Variants in MGAT4C observed in about 807,000 individuals in gnomAD.
MGAT4C encodes MGAT4 family member C, also known as alpha-1,3-mannosyl-glycoprotein 4-beta-N-acetylglucosaminyltransferase C.
MGAT4C carries 19 observed loss-of-function variants against 40.1 expected under a neutral mutation model. That is an observed-to-expected ratio of 0.47 (90% CI 0.33 to 0.70). The LOEUF is 0.70. MGAT4C is among the 30% of genes least tolerant of loss of function. The pLI is 0.02. For missense variants in MGAT4C, 491 were observed against 563.2 expected, an observed-to-expected ratio of 0.87 and a Z score of 1.30; for synonymous variants, 181 against 187.1, an observed-to-expected ratio of 0.97 and a Z score of 0.27.
At chr12:86,093,767 CA>C (rs1565972383) in intron 1 of MGAT4C, among the ~76,000 whole-genome samples, 43 of 107,332 alleles carry the variant, frequency 4.0e-4, no homozygotes, top group African/African-American at 7.3e-4. Context: ...ACAACAACAA[CA>C]ACAACACCTA....
rs1035056146 is a variant in MGAT4C, at chr12:85,956,114, T to C, written c.*23175A>G. On this transcript the variant is annotated 3_prime_UTR_variant, in exon 5 of 5. Transcript: ENST00000611864. ...ATCACTCTTTCAATAACAAAAGATA[T>C]ATTTGTATGGTAGCTAGTTTAATTG... 7 of 152,190 alleles carry C rather than the reference T, an allele frequency of 4.6e-5. No homozygotes were observed. The highest frequency in any genetic ancestry group is 1.3e-4 in the Admixed American group (2 of 15,274). The allele number at this position is 152,190 out of a possible 1,614,324, so 9.4% of individuals were successfully genotyped here.
intron 1 of MGAT4C, among the ~76,000 whole-genome samples, chr12:86,114,490 A>G (rs1034933152): frequency 2.6e-5 from 4 of 151,998 alleles, no homozygotes; most frequent in Admixed American, 2.0e-4. Context: ...CCATGATACA[A>G]TCTGTTTCAT....
At chr12:86,315,093 C>A (rs1039655709) in intron 4 of MGAT4C, among the ~76,000 whole-genome samples, 5 of 151,848 alleles carry the variant, frequency 3.3e-5, no homozygotes, top group African/African-American at 1.2e-4. Flanking sequence ...AGAGGACTCA[C>A]ATTATACTAC....
At chr12:86,804,731 T>G (rs1445340720) in intron 1 of MGAT4C, among the ~76,000 whole-genome samples, 1 of 152,014 alleles carries the variant, frequency 6.6e-6, no homozygotes, top group Non-Finnish European at 1.5e-5. Context: ...ATCTAAGCCA[T>G]CAAAGAAATT....
chr12:86,691,627 A>AC (rs5799789), intron 2 of MGAT4C, among the ~76,000 whole-genome samples: 125,554 of 152,044 alleles, frequency 0.83, 52,607 homozygotes, highest in Middle Eastern at 0.9. Flanking sequence ...ACTAGCCATC[A>AC]CCAGATGCAA....
chr12:86,288,505 T>C (rs1316719518), intron 4 of MGAT4C, among the ~76,000 whole-genome samples: 1 of 152,176 alleles, frequency 6.6e-6, no homozygotes, highest in South Asian at 2.1e-4. Flanking sequence ...TTTTAATCCA[T>C]CTTGAGTTAA....
intron 1 of MGAT4C, among the ~76,000 whole-genome samples, chr12:86,232,882 T>C (rs2093483370): frequency 6.6e-6 from 1 of 152,178 alleles, no homozygotes; most frequent in South Asian, 2.1e-4. Flanking sequence ...AACACCTATA[T>C]CTGGAGTCTG....
Position 85,974,458 on chromosome 12 carries a change from GTATA to G in MGAT4C, c.*4827_*4830del, listed in dbSNP as rs1002440885. ...TATACAAATACATACATGTATATAT[GTATA>G]TATATACACAAATATACACACATAT... On this transcript the variant is annotated 3_prime_UTR_variant, in exon 5 of 5. Transcript: ENST00000611864. 1 of 150,276 alleles carries G rather than the reference GTATA, an allele frequency of 6.7e-6. No individual in the cohort carries two copies. Among genetic ancestry groups the G allele is most frequent in the African/African-American group, 2.4e-5 (1 of 41,186 alleles). 9.3% of individuals were successfully genotyped at this position (150,276 alleles called of 1,614,324 possible).
chr12:86,500,051 T>C (rs942727168), intron 2 of MGAT4C, among the ~76,000 whole-genome samples: 41 of 151,788 alleles, frequency 2.7e-4, no homozygotes. Context: ...CAGCCAAAGC[T>C]TAGAGGCAAT....
At chr12:86,651,798 C>G (rs1963705770) in intron 2 of MGAT4C, among the ~76,000 whole-genome samples, 1 of 151,750 alleles carries the variant, frequency 6.6e-6, no homozygotes, top group Non-Finnish European at 1.5e-5. Flanking sequence ...TAGATGAATG[C>G]TTACTTATGA....
At chr12:86,222,892 T>C (rs1021301740) in intron 1 of MGAT4C, among the ~76,000 whole-genome samples, 3 of 152,058 alleles carry the variant, frequency 2.0e-5, no homozygotes, top group Admixed American at 2.0e-4. Flanking sequence ...GGATGTGAGG[T>C]AATGGCAAAA....
intron 2 of MGAT4C, among the ~76,000 whole-genome samples, chr12:86,006,188 G>A (rs563187425): frequency 3.3e-5 from 5 of 152,244 alleles, no homozygotes; most frequent in African/African-American, 1.2e-4. Context: ...ACTTCATGCT[G>A]TCACTGAAAA....
intron 2 of MGAT4C, among the ~76,000 whole-genome samples, chr12:86,444,953 T>C (rs186412890): frequency 6.6e-6 from 1 of 152,220 alleles, no homozygotes; most frequent in African/African-American, 2.4e-5. Context: ...ACTTCATTTA[T>C]ATAAGATTCT....
chr12:86,764,780 C>G (rs929058663), intron 1 of MGAT4C, among the ~76,000 whole-genome samples: 22 of 152,162 alleles, frequency 1.4e-4, no homozygotes, highest in African/African-American at 4.3e-4. Context: ...CTCTAGCAAA[C>G]TCCAACAGAC....
chr12:86,296,197 G>A (rs1204952557), intron 4 of MGAT4C, among the ~76,000 whole-genome samples: 2 of 151,680 alleles, frequency 1.3e-5, no homozygotes, highest in Non-Finnish European at 2.9e-5. Flanking sequence ...GGCCCCACCA[G>A]AGCAGCTAGA....
At chr12:85,985,480 G>T (rs1885104506) in intron 3 of MGAT4C, among the ~76,000 whole-genome samples, 1 of 152,026 alleles carries the variant, frequency 6.6e-6, no homozygotes, top group Admixed American at 6.6e-5. Flanking sequence ...ATCCAAATTT[G>T]GTCTTTAATA....
rs577489657 is a variant in MGAT4C, at chr12:86,100,520, C to A, written c.-56-50797G>T. Reference sequence around the variant, plus strand: ...CTGCCCCCAATGCCCACCACCATTCCATGTTGAGATCAGCTATAACATTTG... The same window carrying A: ...CTGCCCCCAATGCCCACCACCATTCAATGTTGAGATCAGCTATAACATTTG... On this transcript the variant is annotated intron_variant, in intron 1 of 4. Coordinates refer to ENST00000611864, the MANE Select transcript of MGAT4C (RefSeq NM_001351288.2). Among the ~76,000 whole-genome samples, 13 of 151,384 alleles carry A rather than the reference C, an allele frequency of 8.6e-5. No homozygotes were observed. The East Asian group carries it at 1.7e-3, about 20-fold the overall frequency.
chr12:86,242,407 T>C (rs1310157133), intron 1 of MGAT4C, among the ~76,000 whole-genome samples: 1 of 152,200 alleles, frequency 6.6e-6, no homozygotes, highest in East Asian at 1.9e-4. Context: ...ATTTCATTTA[T>C]TTAAATGACC....
At chr12:86,403,448 A>G (rs1027547879) in intron 3 of MGAT4C, among the ~76,000 whole-genome samples, 2 of 152,226 alleles carry the variant, frequency 1.3e-5, no homozygotes, top group Admixed American at 6.5e-5. Flanking sequence ...CTAGGGCAGA[A>G]GTGGTGTACT....
Sources: allele counts gnomAD v4.1 joint callset (sites outside exome capture counted in the v4.1 genomes callset), GRCh38; gene constraint gnomAD v4.1.1; transcripts MANE v1.5; gene names NCBI Gene and HGNC (gene_info 2026-07-23, HGNC 2026-07-21).